NEDD9: variants seen among roughly 807,000 people sequenced by gnomAD.
NEDD9 encodes neural precursor cell expressed, developmentally down-regulated 9.
A neutral mutation model predicts 76.6 loss-of-function variants in NEDD9; 26 were observed. The ratio of observed to expected loss-of-function variants is 0.34; its 90% CI spans 0.25 to 0.47. The LOEUF (loss-of-function observed/expected upper bound fraction) is 0.47. Among genes scored for constraint, NEDD9 ranks in the 20% least tolerant of loss-of-function variants. NEDD9 has a pLI of 1.00. For missense variants in NEDD9, 937 were observed against 1,058.5 expected (o/e 0.89, Z 1.59); for synonymous variants, 392 against 414.2 (o/e 0.95, Z 0.65).
At chr6:11,227,524 C>T (rs1380759071) in intron 1 of NEDD9, among the ~76,000 whole-genome samples, 2 of 152,216 alleles carry the variant, frequency 1.3e-5, no homozygotes, top group Non-Finnish European at 2.9e-5. Flanking sequence ...AAATGCCTTT[C>T]TTCAAAGCCC....
At chr6:11,236,790 A>G (rs754591605), upstream of NEDD9, among the ~76,000 whole-genome samples, 4 of 152,184 alleles carry the variant, frequency 2.6e-5, no homozygotes, top group Non-Finnish European at 4.4e-5. The surrounding 1 kb of genome is among the most constrained non-coding windows in gnomAD (Gnocchi z 5.5). Flanking sequence ...TGGAATACAG[A>G]GTCGATCACA....
At chr6:11,243,152 T>C (rs74522699) in intron 3 of NEDD9, among the ~76,000 whole-genome samples, 9,304 of 152,256 alleles carry the variant, frequency 0.061, 368 homozygotes, top group South Asian at 0.2. Flanking sequence ...CCTCTATCTT[T>C]CACTTGCCAT....
chr6:11,193,665 C>T lies in NEDD9; in HGVS notation c.487G>A (p.Gly163Ser). 1 of 1,613,970 alleles carries T rather than the reference C, an allele frequency of 6.2e-7. No individual in the cohort carries two copies. The highest frequency in any genetic ancestry group is 8.5e-7 in the Non-Finnish European group (1 of 1,179,896). The change falls in exon 3 of 7, where the codon GGC becomes AGC. Residue 163 changes from glycine to serine, a missense_variant. Transcript: ENST00000379446. ...KVITPVRTGH[G>S]YVYEYPSRYQ... Reference sequence around the variant, plus strand: ...CTGGATGGGTACTCGTATACGTAGCCATGGCCTGTCCTCACGGGGGTTATC... The same window carrying T: ...CTGGATGGGTACTCGTATACGTAGCTATGGCCTGTCCTCACGGGGGTTATC...
At chr6:11,369,833 G>A (rs2113567600) in intron 1 of NEDD9, among the ~76,000 whole-genome samples, 1 of 152,218 alleles carries the variant, frequency 6.6e-6, no homozygotes, top group South Asian at 2.1e-4. Flanking sequence ...CCAAAGTGTG[G>A]ATTGCCAAAT....
In NEDD9 at chr6:11,190,381, G is replaced by T. The variant is rs377748448; in HGVS notation, c.1488C>A (p.His496Gln). Residue 496 changes from histidine (H) to glutamine (Q), a missense_variant, in exon 5 of 7, where the codon CAC becomes CAA. His to Gln is a conservative substitution (Grantham distance 24). Transcript: ENST00000379446. The surrounding 1 kb of genome is among the most constrained non-coding windows in gnomAD (Gnocchi z 5.8). ...CATGGCTGGTTTGACTCAGGATCTGGTGGGAGTCTTCAACTCGTTGCAGCT... is the reference window on the plus strand; with the variant it reads ...CATGGCTGGTTTGACTCAGGATCTGTTGGGAGTCTTCAACTCGTTGCAGCT... ...KRELQRVEDS[H>Q]QILSQTSHDL... 3 of 1,614,090 alleles carry T rather than the reference G, an allele frequency of 1.9e-6. No homozygotes were observed. In the Admixed American group the frequency reaches 5.0e-5, roughly 27 times the overall value.
At chr6:11,226,647 T>C (rs1759318777) in intron 1 of NEDD9, among the ~76,000 whole-genome samples, 1 of 152,234 alleles carries the variant, frequency 6.6e-6, no homozygotes, top group Admixed American at 6.5e-5. Context: ...TTTTTTGAAT[T>C]GACGACTTTC....
chr6:11,189,118 C>T (rs35999206), intron 5 of NEDD9, among the ~76,000 whole-genome samples: 27,727 of 151,912 alleles, frequency 0.18, 2,587 homozygotes, highest in Non-Finnish European at 0.2. Context: ...GGCTAATTTT[C>T]GTACTTTTAG....
intron 3 of NEDD9, among the ~76,000 whole-genome samples, chr6:11,244,339 C>A (rs1581980432): frequency 6.6e-6 from 1 of 152,056 alleles, no homozygotes; most frequent in African/African-American, 2.4e-5. Flanking sequence ...ATTAATACAC[C>A]TATGAATGAT....
chr6:11,338,423 G>A (rs1043587810), intron 1 of NEDD9, among the ~76,000 whole-genome samples: 1 of 152,152 alleles, frequency 6.6e-6, no homozygotes, highest in African/African-American at 2.4e-5. Flanking sequence ...ATAAATGTTT[G>A]CTGTTTAAGT....
chr6:11,335,824 A>G lies in NEDD9; in HGVS notation c.-213-1263T>C, dbSNP rs543452099. ...GATCTAAAATTCACAGTCCCAAACC[A>G]CAATTCCTTTTGCACCAATCTAATA... On this transcript the variant is annotated intron_variant, in intron 1 of 3. Transcript: ENST00000397378. Among the ~76,000 whole-genome samples, 355 of 152,364 alleles carry G rather than the reference A, an allele frequency of 2.3e-3. 1 individual carries two copies. The highest frequency in any genetic ancestry group is 8.1e-3 in the African/African-American group (337 of 41,590).
chr6:11,374,965 A>T (rs1221037525), intron 1 of NEDD9, among the ~76,000 whole-genome samples: 1 of 151,852 alleles, frequency 6.6e-6, no homozygotes, highest in African/African-American at 2.4e-5. Context: ...TTCCTCTCCC[A>T]TTTAAGACCC....
chr6:11,369,640 A>G (rs1359513459), intron 1 of NEDD9, among the ~76,000 whole-genome samples: 2 of 152,208 alleles, frequency 1.3e-5, no homozygotes, highest in Admixed American at 1.3e-4. Context: ...TATAAACCCA[A>G]TCCCAAAACA....
chr6:11,338,411 C>T (rs952771480), intron 1 of NEDD9, among the ~76,000 whole-genome samples: 3 of 152,266 alleles, frequency 2.0e-5, no homozygotes, highest in East Asian at 1.9e-4. Flanking sequence ...AACTGGGAGA[C>T]AATAAATGTT....
chr6:11,299,751 C>A (rs1359053596), intron 3 of NEDD9, among the ~76,000 whole-genome samples: 3 of 152,198 alleles, frequency 2.0e-5, no homozygotes, highest in Non-Finnish European at 4.4e-5. Flanking sequence ...CAAACTCCAA[C>A]AGACCTGAAG....
At chr6:11,264,643 CA>C (rs910558594) in intron 3 of NEDD9, among the ~76,000 whole-genome samples, 6 of 151,940 alleles carry the variant, frequency 3.9e-5, no homozygotes, top group African/African-American at 1.5e-4. Context: ...TCGTTTAAAA[CA>C]GAACTGAGAC....
intron 2 of NEDD9, among the ~76,000 whole-genome samples, chr6:11,322,928 C>G (rs926538260): frequency 6.6e-6 from 1 of 152,208 alleles, no homozygotes; most frequent in Admixed American, 6.5e-5. Flanking sequence ...CCATTTACTA[C>G]CTGGGTGGTC....
chr6:11,270,384 TTA>T (rs1196665169), intron 3 of NEDD9, among the ~76,000 whole-genome samples: 1 of 151,276 alleles, frequency 6.6e-6, no homozygotes, highest in African/African-American at 2.4e-5. Flanking sequence ...TTTTTTTTTT[TTA>T]AATGTTCCAG....
At chr6:11,287,681 T>TA (rs1313624233) in intron 3 of NEDD9, among the ~76,000 whole-genome samples, 1 of 152,208 alleles carries the variant, frequency 6.6e-6, no homozygotes, top group African/African-American at 2.4e-5. Context: ...TGGTCTGTTG[T>TA]AAAGCCTTCT....
intron 1 of NEDD9, among the ~76,000 whole-genome samples, chr6:11,373,577 C>T (rs998776591): frequency 6.6e-6 from 1 of 152,222 alleles, no homozygotes; most frequent in African/African-American, 2.4e-5. Context: ...GTCTGGCTGG[C>T]TTTCCTGCTG....
Sources: gnomAD v4.1 joint callset for allele counts (sites outside exome capture counted in the v4.1 genomes callset) on GRCh38, gnomAD v4.1.1 for gene constraint, Gnocchi (gnomAD v3.1) non-coding constraint, MANE v1.5 for transcripts, NCBI Gene and HGNC (gene_info 2026-07-23, HGNC 2026-07-21) for gene names.